Variants in EPHA4 observed in about 807,000 individuals in gnomAD.
EPHA4 encodes ephrin type-A receptor 4.
In EPHA4, 19 loss-of-function variants were observed where a neutral mutation model predicts 108.3. That is an observed-to-expected ratio of 0.18 (90% CI 0.12 to 0.26). The LOEUF (loss-of-function observed/expected upper bound fraction) is 0.26, where lower values mean the gene tolerates loss of function less well. Ranked by LOEUF, EPHA4 falls within the 10% of genes least tolerant of loss-of-function variation. The pLI is 1.00. For synonymous variants in EPHA4, 449 were observed against 455.5 expected (o/e 0.99, Z 0.18); for missense variants, 917 against 1,254.0 (o/e 0.73, Z 4.06).
chr2:221,505,411 C>T (rs950794141), intron 3 of EPHA4, among the ~76,000 whole-genome samples: 3 of 151,930 alleles, frequency 2.0e-5, no homozygotes, highest in Admixed American at 6.6e-5. Flanking sequence ...CTGCAACCTC[C>T]GCCTTCTGGG....
chr2:221,427,021 C>A (rs1000776551), intron 15 of EPHA4, among the ~76,000 whole-genome samples: 3 of 152,132 alleles, frequency 2.0e-5, no homozygotes, highest in South Asian at 4.1e-4. Flanking sequence ...ACTATGGAAA[C>A]CCTAGTGAAG....
intron 5 of EPHA4, among the ~76,000 whole-genome samples, chr2:221,480,202 C>A (rs1273641475): frequency 6.6e-6 from 1 of 152,086 alleles, no homozygotes; most frequent in Non-Finnish European, 1.5e-5. Flanking sequence ...TCATAGAAGT[C>A]TCCCCCAAAA....
intron 4 of EPHA4, among the ~76,000 whole-genome samples, chr2:221,500,813 C>T (rs1692463958): frequency 6.6e-6 from 1 of 152,206 alleles, no homozygotes; most frequent in Non-Finnish European, 1.5e-5. Flanking sequence ...CTGTAGGCAG[C>T]TGTGCACACT....
chr2:221,475,029 C>T (rs1351832687), intron 5 of EPHA4, among the ~76,000 whole-genome samples: 2 of 152,080 alleles, frequency 1.3e-5, no homozygotes, highest in South Asian at 2.1e-4. Context: ...CACCACAACA[C>T]CCGTCTAATT....
intron 7 of EPHA4, among the ~76,000 whole-genome samples, chr2:221,455,938 C>T (rs1250114228): frequency 6.6e-6 from 1 of 152,120 alleles, no homozygotes; most frequent in African/African-American, 2.4e-5. Context: ...TTCTCTTCTG[C>T]TTTTCCTTTT....
chr2:221,432,309 C>G (rs1322942597), intron 14 of EPHA4, among the ~76,000 whole-genome samples: 3 of 152,136 alleles, frequency 2.0e-5, no homozygotes, highest in Non-Finnish European at 2.9e-5. Flanking sequence ...ATTACAGTAA[C>G]TACATTTACT....
chr2:221,566,559 T>G (rs1694631640), intron 2 of EPHA4, among the ~76,000 whole-genome samples: 1 of 152,056 alleles, frequency 6.6e-6, no homozygotes, highest in African/African-American at 2.4e-5. Flanking sequence ...ACTAATTCTT[T>G]TATATACAAA....
At chr2:221,486,078 C>T (rs1361076943) in intron 4 of EPHA4, among the ~76,000 whole-genome samples, 1 of 152,130 alleles carries the variant, frequency 6.6e-6, no homozygotes, top group African/African-American at 2.4e-5. Context: ...CCTTTGTCAT[C>T]AGAAATATGT....
intron 5 of EPHA4, among the ~76,000 whole-genome samples, chr2:221,480,664 A>G (rs1691791866): frequency 6.6e-6 from 1 of 152,182 alleles, no homozygotes. Context: ...AAAAATTCAG[A>G]ATTAAAAGAC....
In EPHA4 at chr2:221,572,178, C is replaced by T. The variant is rs1694861916; in HGVS notation, c.71G>A (p.Arg24Lys). 1 of 1,613,976 alleles carries T rather than the reference C, an allele frequency of 6.2e-7. No homozygotes were observed. The highest frequency in any genetic ancestry group is 1.3e-5 in the African/African-American group (1 of 74,938). Residue 24 changes from arginine (R) to lysine (K), a missense_variant, in exon 1 of 18, where the codon AGG (arginine) becomes AAG (lysine). Coordinates refer to ENST00000281821, the MANE Select transcript of EPHA4 (RefSeq NM_004438.5). The stretch of plus-strand genomic sequence containing the variant: ...CTTACCTTCATTCGCGGGGTATACC[C>T]TGGAACCTGTGACAGCGTCGCAAAT... ...FGICDAVTGS[R>K]VYPANEVTLL... is the part of the protein sequence containing the mutation.
Position 221,428,387 on chromosome 2 carries a change from A to G in EPHA4, c.2690+1571T>C, listed in dbSNP as rs534982556. Among the ~76,000 whole-genome samples the G allele has an allele frequency of 2.6e-5, 4 of 152,358 alleles. No individual in the cohort carries two copies. The South Asian group carries it at 8.3e-4, about 32-fold the overall frequency. On this transcript the variant is annotated intron_variant, in intron 15 of 17. Coordinates refer to ENST00000281821, the MANE Select transcript of EPHA4 (RefSeq NM_004438.5). ...CTACATCTCATTATAGGTAAGCCAT[A>G]ATAAGCTTCAAAGCTATTTAAGTAC...
intron 3 of EPHA4, chr2:221,501,426 G>C (rs1358127524): frequency 2.7e-6 from 1 of 369,530 alleles, no homozygotes; most frequent in Non-Finnish European, 4.8e-6. Context: ...GCAGAATCAA[G>C]GAAAAGCACA....
intron 3 of EPHA4, among the ~76,000 whole-genome samples, chr2:221,559,731 CA>C (rs1018193118): frequency 1.1e-3 from 160 of 152,238 alleles, no homozygotes; most frequent in African/African-American, 3.6e-3. Flanking sequence ...CTTTTTCCAA[CA>C]GTCTGATGTG....
At chr2:221,564,443 G>T in intron 2 of EPHA4, 49 bp from the exon 3 acceptor site, 1 of 1,546,918 alleles carries the variant, frequency 6.5e-7, no homozygotes, top group South Asian at 1.2e-5. Flanking sequence ...TCATCATGCA[G>T]TGATTTGTCA....
chr2:221,436,584 T>A lies in EPHA4; in HGVS notation c.2161A>T (p.Ile721Phe). Residue 721 changes from isoleucine to phenylalanine, a missense_variant, in exon 13 of 18, where the codon ATT (isoleucine) becomes TTT (phenylalanine). Coordinates refer to ENST00000281821, the MANE Select transcript of EPHA4 (RefSeq NM_004438.5). ...LRKNDGRFTV[I>F]QLVGMLRGIG... ...CCACGAAGCATGCCCACCAGCTGAA[T>A]GACTGTAAATCTGCCATCATTTTTC... 1 of 1,614,198 alleles carries A rather than the reference T, an allele frequency of 6.2e-7. No homozygotes were observed. Among genetic ancestry groups the A allele is most frequent in the Admixed American group, 1.7e-5 (1 of 60,034 alleles).
intron 4 of EPHA4, among the ~76,000 whole-genome samples, chr2:221,486,927 C>T (rs951601913): frequency 6.6e-6 from 1 of 152,104 alleles, no homozygotes; most frequent in Non-Finnish European, 1.5e-5. Flanking sequence ...GTGAACTATG[C>T]AGCCTTCTCC....
At chr2:221,572,324 C>G (rs999305348), upstream of EPHA4, 91 of 1,363,320 alleles carry the variant, frequency 6.7e-5, no homozygotes, top group Admixed American at 2.4e-4. Context: ...GAGCAGCGGG[C>G]TGAAGACATT....
At chr2:221,526,077 T>C (rs1693315052) in intron 3 of EPHA4, among the ~76,000 whole-genome samples, 1 of 152,196 alleles carries the variant, frequency 6.6e-6, no homozygotes, top group Non-Finnish European at 1.5e-5. Flanking sequence ...ATATACATAA[T>C]CATACTAAAT....
At chr2:221,569,067 A>G (rs1694753363) in intron 1 of EPHA4, among the ~76,000 whole-genome samples, 1 of 152,230 alleles carries the variant, frequency 6.6e-6, no homozygotes, top group Non-Finnish European at 1.5e-5. Flanking sequence ...GAGAATCTGA[A>G]GTACAATTCA....
Sources: gnomAD v4.1 joint callset for allele counts (sites outside exome capture counted in the v4.1 genomes callset) on GRCh38, gnomAD v4.1.1 for gene constraint, MANE v1.5 for transcripts, NCBI Gene and HGNC (gene_info 2026-07-23, HGNC 2026-07-21) for gene names.